The following POLR1A variants were observed in gnomAD, a reference collection of about 807,000 sequenced individuals.
POLR1A encodes DNA-directed RNA polymerase I subunit RPA1.
In POLR1A, 84 loss-of-function variants were observed where a neutral mutation model predicts 205.3. The observed-to-expected ratio is 0.41, with a 90% CI of 0.34 to 0.49. The LOEUF (loss-of-function observed/expected upper bound fraction) is 0.49. POLR1A is among the 20% of genes least tolerant of loss of function. The probability of loss-of-function intolerance (pLI) is 0.22; values close to 1 mark genes in which losing one functional copy is unlikely to be tolerated. For synonymous variants in POLR1A, 799 were observed against 863.7 expected (o/e 0.93, Z 1.31); for missense variants, 1,645 against 2,204.5 (o/e 0.75, Z 5.08).
intron 6 of POLR1A, 125 bp from the exon 7 acceptor site, chr2:86,083,293 C>CAT: frequency 1.4e-6 from 1 of 694,518 alleles, no homozygotes; most frequent in Non-Finnish European, 2.6e-6. Context: ...TCAAGGGTAG[C>CAT]ATATTATCAG....
intron 1 of POLR1A, among the ~76,000 whole-genome samples, 165 bp downstream of exon 1, chr2:86,105,535 C>G (rs1448777446): frequency 2.6e-5 from 4 of 152,140 alleles, no homozygotes; most frequent in African/African-American, 9.7e-5. Context: ...CCAGGCAGTC[C>G]ACGCCGGCCC....
At chr2:86,036,486 A>T (rs375376529) in intron 27 of POLR1A, among the ~76,000 whole-genome samples, 2 of 151,976 alleles carry the variant, frequency 1.3e-5, no homozygotes, top group African/African-American at 4.8e-5. Flanking sequence ...GTGGGGGCAA[A>T]GAGAAAGAAA....
In POLR1A at chr2:86,049,194, C is replaced by T. The variant is rs763230193; in HGVS notation, c.2441G>A (p.Arg814His). The T allele has an allele frequency of 3.9e-5, 63 of 1,613,886 alleles. No individual in the cohort carries two copies. Among genetic ancestry groups the T allele is most frequent in the Admixed American group, 1.0e-4 (6 of 60,004 alleles). Residue 814 changes from arginine (R) to histidine (H), a missense_variant, in exon 17 of 34, where the codon CGT becomes CAT. This residue lies in a region of POLR1A where 339 missense variants were observed against 415.1 expected (regional missense o/e 0.82). Coordinates refer to ENST00000263857, the MANE Select transcript of POLR1A (RefSeq NM_015425.6). ...VKPKADVKRQ[R>H]IIEESTHCGP... ...GCAGTGGGTGGATTCTTCAATGATA[C>T]GTTGCCTCTTGACATCTGCCTTTGG...
chr2:86,099,560 C>T, intron 2 of POLR1A, among the ~76,000 whole-genome samples: 1 of 152,048 alleles, frequency 6.6e-6, no homozygotes. Flanking sequence ...TTTGCTTCTC[C>T]TGCCACCACA....
intron 27 of POLR1A, among the ~76,000 whole-genome samples, chr2:86,035,506 G>A (rs190624788): frequency 3.3e-5 from 5 of 152,316 alleles, no homozygotes; most frequent in African/African-American, 9.6e-5. Flanking sequence ...GGAATGAGGC[G>A]GAGTGGGGGT....
At position 86,100,076 on chromosome 2, in the gene POLR1A, T is replaced by C; in HGVS notation, c.174A>G (p.Ala58=). The C allele has an allele frequency of 6.2e-7, 1 of 1,614,188 alleles. No individual in the cohort carries two copies. The highest frequency in any genetic ancestry group is 8.5e-7 in the Non-Finnish European group (1 of 1,180,016). ...AGGTGGAGCACACCTCTTTGGAATC[T>C]GCAGGGCCCAAAGCTAAATCGTACA... ...NGLYDLALGP[A]DSKEVCSTCV... Residue 58 remains alanine, a synonymous_variant, in exon 2 of 34, where the codon GCA becomes GCG. Coordinates refer to ENST00000263857, the MANE Select transcript of POLR1A (RefSeq NM_015425.6).
At chr2:86,076,136 A>C (rs1018889395) in intron 11 of POLR1A, among the ~76,000 whole-genome samples, 1 of 152,222 alleles carries the variant, frequency 6.6e-6, no homozygotes, top group Non-Finnish European at 1.5e-5. Flanking sequence ...TCCAAGTAAA[A>C]CAAGTTCCCT....
intron 14 of POLR1A, among the ~76,000 whole-genome samples, chr2:86,059,811 C>A (rs1440103690): frequency 6.6e-6 from 1 of 152,152 alleles, no homozygotes; most frequent in Non-Finnish European, 1.5e-5. Context: ...TGTGATCCAC[C>A]CACCTTGGCC....
intron 14 of POLR1A, among the ~76,000 whole-genome samples, chr2:86,062,545 T>C (rs1195547415): frequency 6.6e-6 from 1 of 151,736 alleles, no homozygotes; most frequent in Non-Finnish European, 1.5e-5. Context: ...TATTAATTTG[T>C]GGGATGCTAC....
intron 9 of POLR1A, 29 bp from the exon 10 acceptor site, chr2:86,078,313 T>A: frequency 6.5e-7 from 1 of 1,546,236 alleles, no homozygotes; most frequent in Non-Finnish European, 8.7e-7. Context: ...AAAACAGGGA[T>A]GATGGAAAAA....
chr2:86,090,801 A>G (rs973882656), intron 3 of POLR1A, among the ~76,000 whole-genome samples: 1 of 152,224 alleles, frequency 6.6e-6, no homozygotes, highest in Admixed American at 6.5e-5. Context: ...TCTTAACCTA[A>G]GCTGGGCACA....
At chr2:86,079,438 A>AG (rs927946770) in intron 9 of POLR1A, among the ~76,000 whole-genome samples, 7 of 152,306 alleles carry the variant, frequency 4.6e-5, no homozygotes, top group African/African-American at 9.6e-5. Flanking sequence ...ACAGAGAGTA[A>AG]GGGGGGAGAA....
chr2:86,047,279 GCA>G lies in POLR1A; in HGVS notation c.2635-18_2635-17del. The stretch of plus-strand genomic sequence containing the variant: ...GCATGCATGCCTGCAGATTAAATCA[GCA>G]CAGTGGTCAGTGACTTCACCTTCTT... On this transcript the variant is annotated splice_polypyrimidine_tract_variant and intron_variant, in intron 18 of 33. Coordinates refer to ENST00000263857, the MANE Select transcript of POLR1A (RefSeq NM_015425.6). 1 of 1,560,116 alleles carries G rather than the reference GCA, an allele frequency of 6.4e-7. No individual in the cohort carries two copies. The highest frequency in any genetic ancestry group is 8.8e-7 in the Non-Finnish European group (1 of 1,132,008).
chr2:86,034,553 C>A (rs1672461403), intron 27 of POLR1A, among the ~76,000 whole-genome samples: 1 of 152,300 alleles, frequency 6.6e-6, no homozygotes, highest in Middle Eastern at 3.4e-3. Flanking sequence ...TCCACCCTGT[C>A]CCCTCCATAC....
Position 86,045,774 on chromosome 2 carries a change from AG to A in POLR1A, c.2734-6del, listed in dbSNP as rs1360809693. ...CTGGCCCAGCAGGCACGAGATCTGGAGGACAGGAAATCCACAGGAAACTGAA... is the reference window on the plus strand; with the variant it reads ...CTGGCCCAGCAGGCACGAGATCTGGAGACAGGAAATCCACAGGAAACTGAA... On this transcript the variant is annotated splice_polypyrimidine_tract_variant and splice_region_variant and intron_variant, in intron 19 of 33. Coordinates refer to ENST00000263857, the MANE Select transcript of POLR1A (RefSeq NM_015425.6). The A allele has an allele frequency of 1.2e-6, 2 of 1,601,648 alleles. No individual in the cohort carries two copies. Among genetic ancestry groups the A allele is most frequent in the Non-Finnish European group, 1.7e-6 (2 of 1,177,080 alleles).
chr2:86,041,745 T>C lies in POLR1A; in HGVS notation c.3572+144A>G, dbSNP rs570475318. On this transcript the variant is annotated intron_variant, in intron 24 of 33. Coordinates refer to ENST00000263857, the MANE Select transcript of POLR1A (RefSeq NM_015425.6). Reference sequence around the variant, plus strand: ...GCCCTTGGGGCTTGTGCGTTGCCCCTGGCTGTCTTACTGCCCTCCCTCTAG... The same window carrying C: ...GCCCTTGGGGCTTGTGCGTTGCCCCCGGCTGTCTTACTGCCCTCCCTCTAG... The C allele has an allele frequency of 2.5e-5, 17 of 690,374 alleles. No homozygotes were observed. In the East Asian group the frequency reaches 4.5e-4, roughly 18 times the overall value. The allele number at this position is 690,374 out of a possible 1,614,324, so 42.8% of individuals were successfully genotyped here.
intron 3 of POLR1A, among the ~76,000 whole-genome samples, chr2:86,095,093 C>T (rs1297856042): frequency 6.6e-6 from 1 of 152,240 alleles, no homozygotes; most frequent in Non-Finnish European, 1.5e-5. Context: ...GATCCCCTCT[C>T]ACTCTGCTCT....
Position 86,054,193 on chromosome 2 carries a change from C to T in POLR1A, c.2155G>A (p.Glu719Lys), listed in dbSNP as rs775917455. The change falls in exon 15 of 34, where the codon GAA becomes AAA. Residue 719 changes from glutamate to lysine, a missense_variant. Around this residue, in one of 16 missense-constraint regions of POLR1A, gnomAD observed 339 missense variants for 415.1 expected, o/e 0.82. Transcript: ENST00000263857. ...AKITGKAWVKETPRSVPGFNP... is the reference protein window; with the variant it reads ...AKITGKAWVKKTPRSVPGFNP... ...AAGCCAGGAACGGATCGAGGAGTTT[C>T]CTTCACCCAGGCTTTCCCAGTGATT... is the stretch of plus-strand genomic sequence containing the variant. 6.2e-7 allele frequency: 1 copy of T among 1,613,960 alleles called. No individual in the cohort carries two copies. The highest frequency in any genetic ancestry group is 8.5e-7 in the Non-Finnish European group (1 of 1,179,868).
At chr2:86,099,886 T>C (rs1469441886) in intron 2 of POLR1A, 82 bp downstream of exon 2, 2 of 1,209,514 alleles carry the variant, frequency 1.7e-6, no homozygotes, top group Admixed American at 1.7e-5. Flanking sequence ...TTAACCTCCT[T>C]AGACCACTCT....
Sources: allele counts gnomAD v4.1 joint callset (sites outside exome capture counted in the v4.1 genomes callset), GRCh38; gene constraint gnomAD v4.1.1; regional missense constraint gnomAD v4.1.1; transcripts MANE v1.5; gene names NCBI Gene and HGNC (gene_info 2026-07-23, HGNC 2026-07-21).